Variants in LMX1B observed in about 807,000 individuals in gnomAD.
LMX1B encodes LIM homeobox transcription factor 1-beta.
LMX1B carries 12 observed loss-of-function variants against 51.4 expected under a neutral mutation model. That is an observed-to-expected ratio of 0.23 (90% CI 0.15 to 0.38). The LOEUF (loss-of-function observed/expected upper bound fraction) is 0.38, where lower values mean the gene tolerates loss of function less well. Ranked by LOEUF, LMX1B falls within the 10% of genes least tolerant of loss-of-function variation. The pLI, the probability that LMX1B is intolerant of heterozygous loss-of-function variation, is 1.00. For missense variants in LMX1B, 445 were observed against 571.1 expected, an observed-to-expected ratio of 0.78 and a Z score of 2.25; for synonymous variants, 237 against 235.4, an observed-to-expected ratio of 1.01 and a Z score of -0.06.
In LMX1B at chr9:126,641,958, C is replaced by G. The variant is rs1309007305; in HGVS notation, c.326+26389C>G. Among the ~76,000 whole-genome samples the G allele has an allele frequency of 6.6e-6, 1 of 152,214 alleles. No individual in the cohort carries two copies. The highest frequency in any genetic ancestry group is 1.5e-5 in the Non-Finnish European group (1 of 68,030). ...TATCCCCATTTTACAGATGACGCAACAGCCTCAGAGCAGACCCATTCCTGC... is the reference window on the plus strand; with the variant it reads ...TATCCCCATTTTACAGATGACGCAAGAGCCTCAGAGCAGACCCATTCCTGC... On this transcript the variant is annotated intron_variant, in intron 2 of 7. Transcript: ENST00000373474. This position sits in a 1 kb window ranked among gnomAD's most constrained non-coding sequence, Gnocchi z 4.1.
At chr9:126,692,992 A>C in intron 3 of LMX1B, 150 bp from the exon 4 acceptor site, 46 of 769,758 alleles carry the variant, frequency 6.0e-5, no homozygotes, top group Non-Finnish European at 7.4e-5. Flanking sequence ...ACGGGAGGGA[A>C]GGAGATCTTA....
Position 126,693,568 on chromosome 9 carries a change from G to C in LMX1B, c.786G>C (p.Val262=). 2 of 1,614,180 alleles carry C rather than the reference G, an allele frequency of 1.2e-6. No homozygotes were observed. The highest frequency in any genetic ancestry group is 2.2e-5 in the South Asian group (2 of 91,084). The change falls in exon 5 of 8, where the codon GTG becomes GTC. Residue 262 remains valine, a synonymous_variant. Transcript: ENST00000373474. The stretch of plus-strand genomic sequence containing the variant: ...CTGAGACGGGCCTCAGTGTGCGCGT[G>C]GTCCAGGTCTGGTTTCAGAACCAAA... ...LAAETGLSVR[V]VQVWFQNQRA... is the part of the protein sequence containing the mutation.
intron 2 of LMX1B, among the ~76,000 whole-genome samples, chr9:126,636,682 T>A (rs984291264): frequency 6.6e-6 from 1 of 152,164 alleles, no homozygotes; most frequent in Non-Finnish European, 1.5e-5. Flanking sequence ...CGACTGCAAG[T>A]ACACGTGTGC....
At chr9:126,660,554 C>T (rs1836225254) in intron 2 of LMX1B, among the ~76,000 whole-genome samples, 1 of 152,182 alleles carries the variant, frequency 6.6e-6, no homozygotes, top group Non-Finnish European at 1.5e-5. Context: ...GTTTTCTCAT[C>T]TGTAAACTGG....
rs1312189080 is a variant in LMX1B at position 126,698,707 on chromosome 9, G to T, written c.*2256G>T. The T allele has an allele frequency of 6.6e-6, 1 of 152,476 alleles. No individual in the cohort carries two copies. Among genetic ancestry groups the T allele is most frequent in the Non-Finnish European group, 1.5e-5 (1 of 68,244 alleles). 9.4% of individuals were successfully genotyped at this position (152,476 alleles called of 1,614,324 possible). A position where few individuals can be genotyped will look rare whatever the true frequency, so the allele number is the denominator to read the frequency against. On this transcript the variant is annotated 3_prime_UTR_variant, in exon 8 of 8. Coordinates refer to ENST00000373474, the MANE Select transcript of LMX1B (RefSeq NM_001174147.2). ...CTGGTCCAACCTTTGAGCAAGTAAG[G>T]ATAATGAATGTCCCTTTTCCACCTT...
chr9:126,617,464 C>T lies in LMX1B; in HGVS notation c.326+1895C>T, dbSNP rs1835324682. ...GTACATATTCTGCCCTCCCCCCACTCCCCATAATTATTTACGGAGCTTCTC... is the reference window on the plus strand; with the variant it reads ...GTACATATTCTGCCCTCCCCCCACTTCCCATAATTATTTACGGAGCTTCTC... On this transcript the variant is annotated intron_variant, in intron 2 of 7. Coordinates refer to ENST00000373474, the MANE Select transcript of LMX1B (RefSeq NM_001174147.2). Among the ~76,000 whole-genome samples the T allele has an allele frequency of 5.9e-5, 9 of 151,934 alleles. No individual in the cohort carries two copies. In the South Asian group the frequency reaches 1.7e-3, roughly 28 times the overall value.
chr9:126,670,481 G>T (rs911755497), intron 2 of LMX1B, among the ~76,000 whole-genome samples: 8 of 152,222 alleles, frequency 5.3e-5, no homozygotes, highest in African/African-American at 9.7e-5. Flanking sequence ...CCGGCATATT[G>T]TGCTGGCATG....
chr9:126,636,889 G>A (rs1381994412), intron 2 of LMX1B, among the ~76,000 whole-genome samples: 1 of 152,208 alleles, frequency 6.6e-6, no homozygotes, highest in African/African-American at 2.4e-5. Flanking sequence ...GTATGTGCGA[G>A]TGTGTCTCTA....
In LMX1B at chr9:126,615,856, T is replaced by C. The variant is rs202033425; in HGVS notation, c.326+287T>C. Among the ~76,000 whole-genome samples the C allele has an allele frequency of 5.3e-5, 8 of 152,302 alleles. No individual in the cohort carries two copies. The East Asian group carries it at 1.5e-3, about 29-fold the overall frequency. On this transcript the variant is annotated intron_variant, in intron 2 of 7. Coordinates refer to ENST00000373474, the MANE Select transcript of LMX1B (RefSeq NM_001174147.2). This position sits in a 1 kb window ranked among gnomAD's most constrained non-coding sequence, Gnocchi z 6.0. ...GATTTGGTGCCTGGGTCCTGGGATATAGGGTCTGGCGCTACGGAGGCCTGA... is the reference window on the plus strand; with the variant it reads ...GATTTGGTGCCTGGGTCCTGGGATACAGGGTCTGGCGCTACGGAGGCCTGA...
chr9:126,669,517 G>GCATC (rs372488495), intron 2 of LMX1B, among the ~76,000 whole-genome samples: 98 of 152,258 alleles, frequency 6.4e-4, no homozygotes, highest in African/African-American at 2.2e-3. Flanking sequence ...GCCTGCTTGG[G>GCATC]CATCCGTGTG....
At position 126,696,016 on chromosome 9, in the gene LMX1B, A is replaced by ACCTCCC; in HGVS notation, c.1051+15_1051+16insTCCCCC. On this transcript the variant is annotated intron_variant, in intron 7 of 7. Coordinates refer to ENST00000373474, the MANE Select transcript of LMX1B (RefSeq NM_001174147.2). ...ATGAACCCCTATGGTAAGCCGCCCT[A>ACCTCCC]CCCCCACCCGCCCGCCCCAGCACAG... The ACCTCCC allele has an allele frequency of 2.0e-6, 3 of 1,512,704 alleles. No individual in the cohort carries two copies. The highest frequency in any genetic ancestry group is 2.7e-6 in the Non-Finnish European group (3 of 1,131,798). 93.7% of individuals were successfully genotyped at this position (1,512,704 alleles called of 1,614,324 possible).
intron 2 of LMX1B, among the ~76,000 whole-genome samples, chr9:126,633,386 C>G (rs573794808): frequency 1.3e-5 from 2 of 152,202 alleles, no homozygotes; most frequent in Non-Finnish European, 2.9e-5. Context: ...TGTGTCATGT[C>G]ATTGTGAAGG....
At chr9:126,645,149 T>C (rs1835877008) in intron 2 of LMX1B, among the ~76,000 whole-genome samples, 1 of 152,134 alleles carries the variant, frequency 6.6e-6, no homozygotes, top group East Asian at 1.9e-4. Flanking sequence ...TGGAGGTCCA[T>C]GTGGAAGACC....
intron 2 of LMX1B, among the ~76,000 whole-genome samples, chr9:126,689,323 A>G (rs1051593843): frequency 6.6e-6 from 1 of 152,134 alleles, no homozygotes; most frequent in African/African-American, 2.4e-5. Context: ...CCAGGAAGGG[A>G]GGCAGGCGAG....
In LMX1B at chr9:126,615,622, C is replaced by A; in HGVS notation, c.326+53C>A. ...CCACCGCCCGGCACTCGAGCCCGGT[C>A]AGCCCCCTGCCGGGCCCGGCCCGCG... On this transcript the variant is annotated intron_variant, in intron 2 of 7. Coordinates refer to ENST00000373474, the MANE Select transcript of LMX1B (RefSeq NM_001174147.2). This position sits in a 1 kb window ranked among gnomAD's most constrained non-coding sequence, Gnocchi z 6.0. 2 of 1,520,368 alleles carry A rather than the reference C, an allele frequency of 1.3e-6. No individual in the cohort carries two copies. Among genetic ancestry groups the A allele is most frequent in the South Asian group, 2.4e-5 (2 of 83,484 alleles). 94.2% of individuals were successfully genotyped at this position (1,520,368 alleles called of 1,614,324 possible). A position where few individuals can be genotyped will look rare whatever the true frequency, so the allele number is the denominator to read the frequency against.
chr9:126,692,714 C>T (rs576838785), intron 3 of LMX1B, among the ~76,000 whole-genome samples: 8 of 152,348 alleles, frequency 5.3e-5, no homozygotes, highest in African/African-American at 1.4e-4. Flanking sequence ...TGCACACTTT[C>T]GTGTATGTCC....
intron 2 of LMX1B, among the ~76,000 whole-genome samples, chr9:126,661,296 C>T (rs1836240310): frequency 6.6e-6 from 1 of 152,112 alleles, no homozygotes; most frequent in Non-Finnish European, 1.5e-5. Context: ...ACCTCTCAGG[C>T]CAGCGTGGAC....
intron 2 of LMX1B, among the ~76,000 whole-genome samples, chr9:126,681,900 C>CA (rs1284203389): frequency 0.013 from 1,873 of 139,054 alleles, 48 homozygotes; most frequent in African/African-American, 0.049. Flanking sequence ...GACTCCATCT[C>CA]AAAAAAAAAA....
Position 126,615,652 on chromosome 9 carries a change from C to A in LMX1B, c.326+83C>A. 1.5e-6 allele frequency: 2 copies of A among 1,334,270 alleles called. No individual in the cohort carries two copies. The highest frequency in any genetic ancestry group is 2.1e-6 in the Non-Finnish European group (2 of 969,454). The allele number at this position is 1,334,270 out of a possible 1,614,324, so 82.7% of individuals were successfully genotyped here. A position where few individuals can be genotyped will look rare whatever the true frequency, so the allele number is the denominator to read the frequency against. On this transcript the variant is annotated intron_variant, in intron 2 of 7. Coordinates refer to ENST00000373474, the MANE Select transcript of LMX1B (RefSeq NM_001174147.2). This position sits in a 1 kb window ranked among gnomAD's most constrained non-coding sequence, Gnocchi z 6.0. ...CCCTGCCGGGCCCGGCCCGCGCCCGCTCTGCCGCCGGCTCTGTGCGCGGCT... is the reference window on the plus strand; with the variant it reads ...CCCTGCCGGGCCCGGCCCGCGCCCGATCTGCCGCCGGCTCTGTGCGCGGCT...
Sources: allele counts gnomAD v4.1 joint callset (sites outside exome capture counted in the v4.1 genomes callset), GRCh38; gene constraint gnomAD v4.1.1; non-coding constraint Gnocchi (gnomAD v3.1); transcripts MANE v1.5; gene names NCBI Gene and HGNC (gene_info 2026-07-23, HGNC 2026-07-21).